The following CNTNAP5 variants were observed in gnomAD, a reference collection of about 807,000 sequenced individuals.
CNTNAP5 encodes the protein contactin associated protein family member 5.
In CNTNAP5, 72 loss-of-function variants were observed where a neutral mutation model predicts 150.2. The observed-to-expected ratio is 0.48, with a 90% CI of 0.40 to 0.58. CNTNAP5 has a LOEUF of 0.58. Among genes scored for constraint, CNTNAP5 ranks in the 20% least tolerant of loss-of-function variants. The pLI, the probability that CNTNAP5 is intolerant of heterozygous loss-of-function variation, is 0.00. For missense variants in CNTNAP5, 1,636 were observed against 1,626.2 expected, an observed-to-expected ratio of 1.01 and a Z score of -0.10; for synonymous variants, 672 against 619.8, an observed-to-expected ratio of 1.08 and a Z score of -1.25.
rs112343906 is a variant in CNTNAP5, at chr2:124,603,324, T to C, written c.1757-6477T>C. Among the ~76,000 whole-genome samples, 1,105 of 152,278 alleles carry C rather than the reference T, an allele frequency of 7.3e-3. 12 individuals carry two copies. Among genetic ancestry groups the C allele is most frequent in the African/African-American group, 0.024 (1,005 of 41,552 alleles). On this transcript the variant is annotated intron_variant, in intron 11 of 23. Coordinates refer to ENST00000682447, the MANE Select transcript of CNTNAP5 (RefSeq NM_001367498.1). ...GGCTCGAATACATTTATCTTCAATT[T>C]TTGTGGCAAGAATGTGTTTTAGATG...
At chr2:124,071,525 C>A (rs1682304490) in intron 1 of CNTNAP5, among the ~76,000 whole-genome samples, 1 of 151,830 alleles carries the variant, frequency 6.6e-6, no homozygotes, top group Admixed American at 6.6e-5. Context: ...GAAATTCCAA[C>A]TGATACTGCA....
At chr2:124,244,212 G>T (rs897753758) in intron 3 of CNTNAP5, among the ~76,000 whole-genome samples, 3 of 152,138 alleles carry the variant, frequency 2.0e-5, no homozygotes, top group Non-Finnish European at 4.4e-5. Context: ...GGGGCACAAA[G>T]CCTCTTTCAC....
chr2:124,885,040 G>A (rs1678050451), intron 21 of CNTNAP5, among the ~76,000 whole-genome samples: 1 of 151,982 alleles, frequency 6.6e-6, no homozygotes, highest in South Asian at 2.1e-4. Flanking sequence ...TGACTAGTAG[G>A]AGATAATATA....
At chr2:124,840,871 G>A (rs1682930360) in intron 19 of CNTNAP5, among the ~76,000 whole-genome samples, 1 of 152,084 alleles carries the variant, frequency 6.6e-6, no homozygotes, top group Non-Finnish European at 1.5e-5. Flanking sequence ...GCATGGGGCT[G>A]ACAGAAGCAA....
chr2:124,177,858 T>A (rs1374840131), intron 1 of CNTNAP5, among the ~76,000 whole-genome samples: 1 of 151,808 alleles, frequency 6.6e-6, no homozygotes, highest in Non-Finnish European at 1.5e-5. Flanking sequence ...TACTTTTTTT[T>A]TTTTTTGAAA....
At chr2:124,707,090 A>T (rs895105932) in intron 13 of CNTNAP5, among the ~76,000 whole-genome samples, 4 of 135,596 alleles carry the variant, frequency 2.9e-5, no homozygotes, top group African/African-American at 1.2e-4. Flanking sequence ...GAAGAGGAAG[A>T]AGAAGAAGAG....
intron 21 of CNTNAP5, among the ~76,000 whole-genome samples, chr2:124,871,537 A>G (rs1457887747): frequency 1.3e-5 from 2 of 152,018 alleles, no homozygotes; most frequent in Non-Finnish European, 2.9e-5. Context: ...TGTGGATATC[A>G]GAAATGCTAA....
At chr2:124,788,991 T>C (rs1681659978) in intron 17 of CNTNAP5, among the ~76,000 whole-genome samples, 1 of 152,152 alleles carries the variant, frequency 6.6e-6, no homozygotes, top group Non-Finnish European at 1.5e-5. Flanking sequence ...GATTTTTATT[T>C]TATAGATGAA....
intron 7 of CNTNAP5, among the ~76,000 whole-genome samples, chr2:124,497,782 C>T (rs1694186159): frequency 1.3e-5 from 2 of 152,156 alleles, no homozygotes; most frequent in South Asian, 4.1e-4. Flanking sequence ...CTGTTCAATA[C>T]ATTTCAGTCT....
intron 12 of CNTNAP5, among the ~76,000 whole-genome samples, chr2:124,644,403 T>C (rs1459977370): frequency 6.6e-6 from 1 of 152,146 alleles, no homozygotes; most frequent in East Asian, 1.9e-4. Flanking sequence ...ATTATGGCAA[T>C]AATATTAGTG....
At chr2:124,706,830 GGA>G (rs1558743083) in intron 13 of CNTNAP5, among the ~76,000 whole-genome samples, 36 of 2,906 alleles carry the variant, frequency 0.012, 4 homozygotes, top group African/African-American at 0.023. Context: ...AGGAGGAAGA[GGA>G]GGAGGGGGAG....
intron 2 of CNTNAP5, among the ~76,000 whole-genome samples, chr2:124,239,828 G>C (rs964367422): frequency 6.6e-6 from 1 of 151,984 alleles, no homozygotes; most frequent in Non-Finnish European, 1.5e-5. Context: ...AAGCCTCTCT[G>C]TCAATTTTGA....
intron 17 of CNTNAP5, among the ~76,000 whole-genome samples, chr2:124,775,462 T>C (rs1385852491): frequency 6.6e-6 from 1 of 152,172 alleles, no homozygotes; most frequent in Admixed American, 6.5e-5. Context: ...TGTCTAGATA[T>C]CTTTGGCCGC....
intron 3 of CNTNAP5, among the ~76,000 whole-genome samples, chr2:124,329,966 C>T (rs1689308437): frequency 6.6e-6 from 1 of 152,170 alleles, no homozygotes; most frequent in African/African-American, 2.4e-5. Context: ...CAGGCAGTGG[C>T]AATCTCACAG....
At chr2:124,033,070 C>T (rs963896946) in intron 1 of CNTNAP5, among the ~76,000 whole-genome samples, 1 of 152,098 alleles carries the variant, frequency 6.6e-6, no homozygotes, top group South Asian at 2.1e-4. Flanking sequence ...GGGTGTGCTA[C>T]GCTGATGTGC....
intron 1 of CNTNAP5, among the ~76,000 whole-genome samples, chr2:124,131,666 A>G (rs550966189): frequency 1.1e-4 from 16 of 152,318 alleles, no homozygotes; most frequent in African/African-American, 3.6e-4. Context: ...TGCAGCTGCA[A>G]GACATTGATA....
At chr2:124,203,851 A>G (rs979884810) in intron 1 of CNTNAP5, among the ~76,000 whole-genome samples, 1 of 152,212 alleles carries the variant, frequency 6.6e-6, no homozygotes, top group Non-Finnish European at 1.5e-5. Context: ...CCTGTGATGG[A>G]ATGGGCTACC....
At chr2:124,298,581 G>A (rs183282509) in intron 3 of CNTNAP5, among the ~76,000 whole-genome samples, 10 of 152,200 alleles carry the variant, frequency 6.6e-5, no homozygotes. Flanking sequence ...TAATCTAAAT[G>A]GGTCCAAGAG....
chr2:124,915,124 A>T lies in CNTNAP5; in HGVS notation c.*836A>T, dbSNP rs1678736857. 1 of 165,518 alleles carries T rather than the reference A, an allele frequency of 6.0e-6. No individual in the cohort carries two copies. The highest frequency in any genetic ancestry group is 2.4e-5 in the African/African-American group (1 of 41,440). The allele number at this position is 165,518 out of a possible 1,614,324, so 10.3% of individuals were successfully genotyped here. A position where few individuals can be genotyped will look rare whatever the true frequency, so the allele number is the denominator to read the frequency against. On this transcript the variant is annotated 3_prime_UTR_variant, in exon 24 of 24. Coordinates refer to ENST00000682447, the MANE Select transcript of CNTNAP5 (RefSeq NM_001367498.1). ...CTAGCTAGGTATTCCTGGGATTATTATACTGAGATATATATATATACACAC... is the reference window on the plus strand; with the variant it reads ...CTAGCTAGGTATTCCTGGGATTATTTTACTGAGATATATATATATACACAC...
Sources: allele counts gnomAD v4.1 joint callset (sites outside exome capture counted in the v4.1 genomes callset), GRCh38; gene constraint gnomAD v4.1.1; transcripts MANE v1.5; gene names NCBI Gene and HGNC (gene_info 2026-07-23, HGNC 2026-07-21).